Variants in STK32B observed in about 807,000 individuals in gnomAD.
The protein encoded by STK32B is serine/threonine kinase 32B, also known as serine/threonine-protein kinase 32B.
A neutral mutation model predicts 52.6 loss-of-function variants in STK32B; 43 were observed. The observed-to-expected ratio is 0.82, with a 90% CI of 0.64 to 1.05. STK32B has a LOEUF of 1.05. Ranked by LOEUF, STK32B falls within the 50% of genes least tolerant of loss-of-function variation. STK32B has a pLI of 0.00. For missense variants in STK32B, 621 were observed against 534.6 expected, an observed-to-expected ratio of 1.16 and a Z score of -1.59; for synonymous variants, 238 against 204.3, an observed-to-expected ratio of 1.17 and a Z score of -1.41.
At chr4:5,055,349 C>A (rs1741960317) in intron 1 of STK32B, among the ~76,000 whole-genome samples, 1 of 151,684 alleles carries the variant, frequency 6.6e-6, no homozygotes, top group Non-Finnish European at 1.5e-5. Flanking sequence ...TGGCTCTGGC[C>A]ATTTCTTGCC....
intron 1 of STK32B, among the ~76,000 whole-genome samples, chr4:5,063,435 C>A (rs900806452): frequency 3.3e-5 from 5 of 152,138 alleles, no homozygotes; most frequent in African/African-American, 1.2e-4. Context: ...CTCCACCTCC[C>A]AGGCTCTAGT....
At chr4:5,295,867 G>A (rs373887936) in intron 3 of STK32B, among the ~76,000 whole-genome samples, 4 of 151,884 alleles carry the variant, frequency 2.6e-5, no homozygotes, top group South Asian at 2.1e-4. Flanking sequence ...TTATGGTGTC[G>A]ATTTTAGATC....
intron 2 of STK32B, among the ~76,000 whole-genome samples, chr4:5,147,158 G>C (rs925973167): frequency 4.6e-5 from 7 of 152,002 alleles, no homozygotes; most frequent in African/African-American, 1.7e-4. Flanking sequence ...TTCCCAAATA[G>C]TTGATGAAGT....
chr4:5,143,892 C>T (rs1055490781), intron 2 of STK32B, among the ~76,000 whole-genome samples: 1 of 152,128 alleles, frequency 6.6e-6, no homozygotes, highest in African/African-American at 2.4e-5. Flanking sequence ...ATTTTGAATG[C>T]CCACTCCAGC....
intron 4 of STK32B, among the ~76,000 whole-genome samples, chr4:5,363,831 A>G (rs922674703): frequency 2.6e-5 from 4 of 152,170 alleles, no homozygotes; most frequent in African/African-American, 7.2e-5. Flanking sequence ...ATTATTTGCC[A>G]TAGAAGAATC....
intron 1 of STK32B, among the ~76,000 whole-genome samples, chr4:5,099,454 G>GCGCGCGCGCA (rs1553823533): frequency 0.019 from 2,489 of 129,838 alleles, 70 homozygotes; most frequent in African/African-American, 0.06. Flanking sequence ...GTGTGTGCGC[G>GCGCGCGCGCA]CGCGCGTATG....
intron 3 of STK32B, among the ~76,000 whole-genome samples, chr4:5,240,066 C>CT (rs1724911422): frequency 6.6e-6 from 1 of 151,250 alleles, no homozygotes; most frequent in Non-Finnish European, 1.5e-5. Flanking sequence ...CTCTCTCTCT[C>CT]TCTCTCTGTC....
intron 1 of STK32B, among the ~76,000 whole-genome samples, chr4:5,077,004 A>G (rs1712119589): frequency 6.6e-6 from 1 of 152,144 alleles, no homozygotes; most frequent in South Asian, 2.1e-4. Flanking sequence ...AGGCCTCATC[A>G]TCTGCAGTGA....
intron 1 of STK32B, among the ~76,000 whole-genome samples, chr4:5,060,597 T>C (rs62291619): frequency 0.02 from 3,037 of 151,754 alleles, 117 homozygotes; most frequent in African/African-American, 0.068. Context: ...TGATTATACT[T>C]ACGTATTCTA....
intron 3 of STK32B, among the ~76,000 whole-genome samples, chr4:5,273,720 T>C (rs1296197312): frequency 1.6e-5 from 2 of 128,576 alleles, no homozygotes; most frequent in East Asian, 2.4e-4. Flanking sequence ...GAAATCATCA[T>C]TCTCAGTAAA....
intron 3 of STK32B, among the ~76,000 whole-genome samples, chr4:5,183,217 C>T (rs898501256): frequency 6.6e-6 from 1 of 152,100 alleles, no homozygotes; most frequent in African/African-American, 2.4e-5. Flanking sequence ...GTGGCTCACG[C>T]CTGTAATCCC....
chr4:5,045,929 A>G, the STK32B span, among the ~76,000 whole-genome samples: 1 of 152,182 alleles, frequency 6.6e-6, no homozygotes, highest in Admixed American at 6.5e-5. Flanking sequence ...CCTGGCCAGA[A>G]CTTCCAACAC....
At chr4:5,349,937 A>G (rs1733719959) in intron 4 of STK32B, among the ~76,000 whole-genome samples, 1 of 152,206 alleles carries the variant, frequency 6.6e-6, no homozygotes, top group Non-Finnish European at 1.5e-5. Context: ...GACAAAAATA[A>G]AGATAAAAGA....
chr4:5,079,785 A>G (rs1190136210), intron 1 of STK32B, among the ~76,000 whole-genome samples: 11 of 152,224 alleles, frequency 7.2e-5, no homozygotes, highest in Non-Finnish European at 1.6e-4. Flanking sequence ...GAGTCACTGC[A>G]GTAGTCTGGA....
chr4:5,132,016 G>C (rs1715806623), intron 1 of STK32B, among the ~76,000 whole-genome samples: 1 of 152,188 alleles, frequency 6.6e-6, no homozygotes, highest in Non-Finnish European at 1.5e-5. Context: ...GTCCTCATAA[G>C]AGGGAGGCAT....
At chr4:5,177,554 C>G (rs1720009121) in intron 3 of STK32B, among the ~76,000 whole-genome samples, 1 of 152,184 alleles carries the variant, frequency 6.6e-6, no homozygotes, top group African/African-American at 2.4e-5. Flanking sequence ...CCCCCAAAGT[C>G]TTAACTTATT....
intron 1 of STK32B, among the ~76,000 whole-genome samples, chr4:5,062,141 C>G (rs1314037734): frequency 6.6e-6 from 1 of 152,132 alleles, no homozygotes; most frequent in Non-Finnish European, 1.5e-5. Flanking sequence ...CTCCCTAATC[C>G]CCATGCTACC....
chr4:5,074,206 G>T (rs558381301), intron 1 of STK32B, among the ~76,000 whole-genome samples: 1 of 151,934 alleles, frequency 6.6e-6, no homozygotes, highest in African/African-American at 2.4e-5. Flanking sequence ...GTGTGTGTGT[G>T]TGTGCGCGTG....
chr4:5,243,652 G>A (rs1171101402), intron 3 of STK32B, among the ~76,000 whole-genome samples: 2 of 152,156 alleles, frequency 1.3e-5, no homozygotes, highest in Non-Finnish European at 2.9e-5. Context: ...TCCCTGTCTT[G>A]TGCCAGTTTT....
Sources: gnomAD v4.1 joint callset for allele counts (sites outside exome capture counted in the v4.1 genomes callset) on GRCh38, gnomAD v4.1.1 for gene constraint, MANE v1.5 for transcripts, NCBI Gene and HGNC (gene_info 2026-07-23, HGNC 2026-07-21) for gene names.